Variants in ZBTB7C observed in about 807,000 individuals in gnomAD.
The protein encoded by ZBTB7C is zinc finger and BTB domain-containing protein 7C.
In ZBTB7C, 8 loss-of-function variants were observed where a neutral mutation model predicts 25.7. That is an observed-to-expected ratio of 0.31 (90% confidence interval 0.18 to 0.56). The LOEUF is 0.56. Ranked by LOEUF, ZBTB7C falls within the 20% of genes least tolerant of loss-of-function variation. ZBTB7C has a pLI of 0.91. For missense variants in ZBTB7C, 824 were observed against 855.2 expected (o/e 0.96, Z 0.46); for synonymous variants, 394 against 369.0 (o/e 1.07, Z -0.78).
At chr18:48,242,459 C>A (rs2043555154) in intron 2 of ZBTB7C, among the ~76,000 whole-genome samples, 1 of 152,158 alleles carries the variant, frequency 6.6e-6, no homozygotes, top group Admixed American at 6.5e-5. Context: ...AAAATAGCAG[C>A]TAACCAATTC....
intron 3 of ZBTB7C, among the ~76,000 whole-genome samples, chr18:48,167,837 A>G (rs1464097739): frequency 1.3e-5 from 2 of 152,218 alleles, no homozygotes. Flanking sequence ...AAAATTACAC[A>G]GAACGGTATG....
intron 3 of ZBTB7C, among the ~76,000 whole-genome samples, chr18:48,178,927 C>T (rs1003000163): frequency 6.6e-6 from 1 of 152,260 alleles, no homozygotes; most frequent in Non-Finnish European, 1.5e-5. Flanking sequence ...CTCTCCCCCA[C>T]CAAGGGTGGC....
intron 3 of ZBTB7C, among the ~76,000 whole-genome samples, chr18:48,125,835 G>C (rs1168762799): frequency 6.6e-6 from 1 of 152,230 alleles, no homozygotes; most frequent in Non-Finnish European, 1.5e-5. Context: ...CTGGTGTGGT[G>C]TGGCTGCACT....
chr18:48,228,877 T>C (rs1340518682), intron 2 of ZBTB7C, among the ~76,000 whole-genome samples: 13 of 152,094 alleles, frequency 8.5e-5, no homozygotes, highest in African/African-American at 3.1e-4. Context: ...ACTCTCACTT[T>C]AGACTTTAAC....
chr18:48,090,497 C>T (rs1047163002), intron 3 of ZBTB7C, among the ~76,000 whole-genome samples: 1 of 152,218 alleles, frequency 6.6e-6, no homozygotes, highest in East Asian at 1.9e-4. Context: ...CCAAGTCCTC[C>T]GTCAGCTACT....
intron 4 of ZBTB7C, among the ~76,000 whole-genome samples, chr18:48,031,586 C>T (rs956955793): frequency 3.9e-5 from 6 of 152,192 alleles, no homozygotes; most frequent in African/African-American, 7.2e-5. Flanking sequence ...AGGATGCATT[C>T]GAACCATAAT....
At chr18:48,128,219 G>A (rs542605903) in intron 3 of ZBTB7C, among the ~76,000 whole-genome samples, 2 of 152,238 alleles carry the variant, frequency 1.3e-5, no homozygotes, top group East Asian at 3.9e-4. Context: ...CCCTCACTCT[G>A]GCCCTTCATC....
chr18:48,221,051 C>A (rs1473424477), intron 2 of ZBTB7C, among the ~76,000 whole-genome samples: 7 of 150,170 alleles, frequency 4.7e-5, no homozygotes, highest in African/African-American at 1.7e-4. Context: ...CTCCTCTATA[C>A]TGCCCTTGTC....
intron 3 of ZBTB7C, among the ~76,000 whole-genome samples, chr18:48,184,931 C>G (rs1474016824): frequency 1.3e-5 from 2 of 152,104 alleles, no homozygotes; most frequent in Non-Finnish European, 2.9e-5. Context: ...AGACTGATCT[C>G]AAATACAACC....
At chr18:48,073,384 A>G (rs1488671141) in intron 3 of ZBTB7C, among the ~76,000 whole-genome samples, 1 of 152,118 alleles carries the variant, frequency 6.6e-6, no homozygotes, top group Non-Finnish European at 1.5e-5. Flanking sequence ...AGCCGCTGCC[A>G]CCAGGCGCCC....
At chr18:48,156,393 GC>G (rs2040842364) in intron 3 of ZBTB7C, among the ~76,000 whole-genome samples, 1 of 152,158 alleles carries the variant, frequency 6.6e-6, no homozygotes, top group South Asian at 2.1e-4. Context: ...TTCTTTTGAG[GC>G]ATCAGTTTTC....
At chr18:48,082,694 G>A (rs1192393246) in intron 3 of ZBTB7C, among the ~76,000 whole-genome samples, 2 of 146,954 alleles carry the variant, frequency 1.4e-5, no homozygotes, top group African/African-American at 5.4e-5. Context: ...CGTGCGCTGG[G>A]CATGAGTTTT....
At chr18:48,294,665 C>T (rs995401759) in intron 2 of ZBTB7C, among the ~76,000 whole-genome samples, 2 of 151,900 alleles carry the variant, frequency 1.3e-5, no homozygotes, top group Non-Finnish European at 2.9e-5. Context: ...TTGACCTGCC[C>T]CCCACCCCTC....
intron 3 of ZBTB7C, among the ~76,000 whole-genome samples, chr18:48,141,378 T>C (rs960402698): frequency 3.3e-5 from 5 of 152,154 alleles, no homozygotes; most frequent in African/African-American, 1.2e-4. Flanking sequence ...CCCACTAGAA[T>C]GTTGGCTACT....
rs143803494 is a variant in ZBTB7C, at chr18:48,220,600, T to A, written c.-78-34605A>T. Among the ~76,000 whole-genome samples the A allele has an allele frequency of 2.5e-3, 381 of 152,268 alleles. 2 individuals carry two copies. Among genetic ancestry groups the A allele is most frequent in the African/African-American group, 8.7e-3 (362 of 41,520 alleles). ...AGTGCCCAGAATAGCAATATTTAGC[T>A]TTTACAGACAGTCCAGGATTGAAAC... On this transcript the variant is annotated intron_variant, in intron 2 of 4. Coordinates refer to ENST00000590800, the MANE Select transcript of ZBTB7C (RefSeq NM_001318841.2).
intron 3 of ZBTB7C, among the ~76,000 whole-genome samples, chr18:48,170,778 T>C (rs1410858282): frequency 6.6e-6 from 1 of 152,138 alleles, no homozygotes; most frequent in Non-Finnish European, 1.5e-5. Flanking sequence ...CTCACCTCAC[T>C]AGGCCCACCC....
intron 2 of ZBTB7C, among the ~76,000 whole-genome samples, chr18:48,323,024 C>A (rs986777595): frequency 1.3e-5 from 2 of 151,960 alleles, no homozygotes; most frequent in East Asian, 3.9e-4. Flanking sequence ...AAGAATAATA[C>A]AATGGACGTT....
intron 3 of ZBTB7C, among the ~76,000 whole-genome samples, chr18:48,067,144 T>A (rs1470968720): frequency 6.6e-6 from 1 of 151,882 alleles, no homozygotes; most frequent in Admixed American, 6.6e-5. Context: ...GCTCTATAGC[T>A]CTATAGCTCT....
chr18:48,250,225 T>C (rs1288808786), intron 2 of ZBTB7C, among the ~76,000 whole-genome samples: 1 of 152,010 alleles, frequency 6.6e-6, no homozygotes, highest in Non-Finnish European at 1.5e-5. Flanking sequence ...GGATTGGGGG[T>C]CCAGTCTTCC....
Sources: allele counts gnomAD v4.1 joint callset (sites outside exome capture counted in the v4.1 genomes callset), GRCh38; gene constraint gnomAD v4.1.1; transcripts MANE v1.5; gene names NCBI Gene and HGNC (gene_info 2026-07-23, HGNC 2026-07-21).